TMEM87B: variants seen among roughly 807,000 people sequenced by gnomAD.
TMEM87B encodes the protein transmembrane protein 87B.
Under a neutral mutation model 80.3 loss-of-function variants are expected in TMEM87B, and 83 were observed. That is an observed-to-expected ratio of 1.03 (90% CI 0.87 to 1.24). The LOEUF is 1.24. Among genes scored for constraint, TMEM87B ranks in the 50% most tolerant of loss-of-function variants. The probability of loss-of-function intolerance (pLI) is 0.00; values close to 1 mark genes in which losing one functional copy is unlikely to be tolerated. For synonymous variants in TMEM87B, 219 were observed against 230.5 expected (o/e 0.95, Z 0.45); for missense variants, 625 against 674.4 (o/e 0.93, Z 0.81).
At chr2:112,088,751 A>T (rs371033165) in intron 9 of TMEM87B, among the ~76,000 whole-genome samples, 10 of 151,904 alleles carry the variant, frequency 6.6e-5, no homozygotes, top group South Asian at 2.1e-4. Flanking sequence ...GCCAAAAAAA[A>T]TTTTTTTTGT....
chr2:112,109,196 C>T (rs1443315477), intron 17 of TMEM87B, among the ~76,000 whole-genome samples: 1 of 152,138 alleles, frequency 6.6e-6, no homozygotes, highest in African/African-American at 2.4e-5. Flanking sequence ...ACTGCCTATT[C>T]ATTATGAAAC....
At chr2:112,105,271 A>G (rs1386914349) in intron 15 of TMEM87B, among the ~76,000 whole-genome samples, 1 of 152,168 alleles carries the variant, frequency 6.6e-6, no homozygotes, top group South Asian at 2.1e-4. Context: ...ACATCAGCTT[A>G]TGTTATAATT....
intron 4 of TMEM87B, among the ~76,000 whole-genome samples, chr2:112,070,828 T>A (rs1049004865): frequency 1.3e-5 from 2 of 151,700 alleles, no homozygotes; most frequent in Non-Finnish European, 2.9e-5. Context: ...CTTTTTTTTT[T>A]TTCTTTTTTT....
intron 1 of TMEM87B, among the ~76,000 whole-genome samples, chr2:112,057,249 G>T (rs991775862): frequency 6.7e-4 from 102 of 152,136 alleles, no homozygotes; most frequent in Non-Finnish European, 1.5e-4. Flanking sequence ...CATTTGTACT[G>T]CAAATCTATC....
rs142679658 is a variant in TMEM87B, at chr2:112,089,650, C to T, written c.964C>T (p.Arg322Trp). 4.3e-5 allele frequency: 70 copies of T among 1,613,964 alleles called. No individual in the cohort carries two copies. The highest frequency in any genetic ancestry group is 1.5e-4 in the African/African-American group (11 of 74,892). ...GCCTCGTTTAGGAACAGTCATGCAC[C>T]GGGTGATCGGACTGGGGCTTCTATA... is the stretch of plus-strand genomic sequence containing the variant. ...VKPRLGTVMH[R>W]VIGLGLLYLI... is the part of the protein sequence containing the mutation. Residue 322 changes from arginine (R) to tryptophan (W), a missense_variant, in exon 10 of 19, where the codon CGG (arginine) becomes TGG (tryptophan). Transcript: ENST00000283206.
At chr2:112,097,548 A>AACCCCGTCTCT (rs1284693705) in intron 13 of TMEM87B, among the ~76,000 whole-genome samples, 1 of 151,946 alleles carries the variant, frequency 6.6e-6, no homozygotes, top group African/African-American at 2.4e-5. Flanking sequence ...AACACAGTGA[A>AACCCCGTCTCT]ACCCCGTCTC....
At chr2:112,095,113 C>CCCCT (rs1679419216) in intron 11 of TMEM87B, 1 of 904,530 alleles carries the variant, frequency 1.1e-6, no homozygotes, top group South Asian at 5.0e-5. Flanking sequence ...GGCCCTTCCT[C>CCCCT]CCCTTTTTTT....
At position 112,119,113 on chromosome 2, in the gene TMEM87B, C is replaced by G. The variant is rs1262666215; in HGVS notation, c.*2970C>G. 6.6e-6 allele frequency: 1 copy of G among 152,032 alleles called. No individual in the cohort carries two copies. Among genetic ancestry groups the G allele is most frequent in the Non-Finnish European group, 1.5e-5 (1 of 67,970 alleles). 9.4% of individuals were successfully genotyped at this position (152,032 alleles called of 1,614,324 possible). ...ACTGCATGAAGAGACTTCATTAAAACTAAGAAAACATTTATTTGGGGAGAA... is the reference window on the plus strand; with the variant it reads ...ACTGCATGAAGAGACTTCATTAAAAGTAAGAAAACATTTATTTGGGGAGAA... On this transcript the variant is annotated 3_prime_UTR_variant, in exon 19 of 19. Transcript: ENST00000283206.
chr2:112,084,896 A>AT (rs1282182177), intron 8 of TMEM87B, among the ~76,000 whole-genome samples: 9 of 152,116 alleles, frequency 5.9e-5, no homozygotes, highest in Admixed American at 3.9e-4. Context: ...CAGTCAGCAC[A>AT]TTTTTTCTGT....
chr2:112,074,245 C>T (rs1678743376), intron 4 of TMEM87B, among the ~76,000 whole-genome samples: 1 of 152,002 alleles, frequency 6.6e-6, no homozygotes. Context: ...TTCAGGAGCT[C>T]TTGTAAGGCA....
intron 14 of TMEM87B, among the ~76,000 whole-genome samples, chr2:112,099,525 C>CATAT (rs778514391): frequency 0.024 from 2,937 of 122,540 alleles, 63 homozygotes; most frequent in African/African-American, 0.044. Context: ...TACAATAATA[C>CATAT]ATATATATAT....
intron 17 of TMEM87B, among the ~76,000 whole-genome samples, chr2:112,109,745 A>T (rs1679862056): frequency 8.6e-6 from 1 of 116,070 alleles, no homozygotes; most frequent in Non-Finnish European, 1.7e-5. Context: ...GTCATTTTCC[A>T]GTGCCTTCAG....
rs767688216 is a variant in TMEM87B, at chr2:112,100,739, C to A, written c.1450+44C>A. The A allele has an allele frequency of 7.1e-6, 9 of 1,267,448 alleles. No individual in the cohort carries two copies. In the Admixed American group the frequency reaches 1.4e-4, roughly 20 times the overall value. 78.5% of individuals were successfully genotyped at this position (1,267,448 alleles called of 1,614,324 possible). On this transcript the variant is annotated intron_variant, in intron 15 of 18. Coordinates refer to ENST00000283206, the MANE Select transcript of TMEM87B (RefSeq NM_032824.3). ...TTTTAAATGACCATTGTACATATTG[C>A]AACAGAAATATTGTACCTTTACCCG...
intron 6 of TMEM87B, 50 bp from the exon 7 acceptor site, chr2:112,081,007 A>T (rs1322833192): frequency 1.3e-6 from 2 of 1,524,272 alleles, no homozygotes; most frequent in Non-Finnish European, 1.8e-6. Context: ...ACTTACATTT[A>T]AAGATTTAAG....
intron 1 of TMEM87B, 32 bp from the exon 2 acceptor site, chr2:112,059,945 C>G (rs1239511113): frequency 1.3e-5 from 20 of 1,587,514 alleles, no homozygotes; most frequent in African/African-American, 2.7e-5. Context: ...AACTTTCTAA[C>G]AAGATCTTCC....
chr2:112,099,525 C>CATATATAT (rs778514391), intron 14 of TMEM87B, among the ~76,000 whole-genome samples: 2,862 of 122,482 alleles, frequency 0.023, 40 homozygotes, highest in Non-Finnish European at 0.031. Flanking sequence ...TACAATAATA[C>CATATATAT]ATATATATAT....
chr2:112,071,896 T>C (rs1238089760), intron 4 of TMEM87B, among the ~76,000 whole-genome samples: 3 of 152,194 alleles, frequency 2.0e-5, no homozygotes, highest in Non-Finnish European at 2.9e-5. Flanking sequence ...TTTTGCCCAT[T>C]AAGTATGATG....
chr2:112,073,863 T>C (rs2104467367), intron 4 of TMEM87B, among the ~76,000 whole-genome samples: 1 of 152,328 alleles, frequency 6.6e-6, no homozygotes, highest in Non-Finnish European at 1.5e-5. Flanking sequence ...TCTGTGTCTT[T>C]TTTGATTTTT....
Position 112,116,209 on chromosome 2 carries a change from C to A in TMEM87B, c.*66C>A. The A allele has an allele frequency of 7.1e-7, 1 of 1,415,338 alleles. No individual in the cohort carries two copies. The highest frequency in any genetic ancestry group is 9.7e-7 in the Non-Finnish European group (1 of 1,029,916). The allele number at this position is 1,415,338 out of a possible 1,614,324, so 87.7% of individuals were successfully genotyped here. ...ATCCTTCATCAAGACTGAAAGTGAGCTTTGATTTGATATTGCCTAAAAATT... is the reference window on the plus strand; with the variant it reads ...ATCCTTCATCAAGACTGAAAGTGAGATTTGATTTGATATTGCCTAAAAATT... On this transcript the variant is annotated 3_prime_UTR_variant, in exon 19 of 19. Coordinates refer to ENST00000283206, the MANE Select transcript of TMEM87B (RefSeq NM_032824.3).
Sources: allele counts gnomAD v4.1 joint callset (sites outside exome capture counted in the v4.1 genomes callset), GRCh38; gene constraint gnomAD v4.1.1; transcripts MANE v1.5; gene names NCBI Gene and HGNC (gene_info 2026-07-23, HGNC 2026-07-21).